Variants in RORB observed in about 807,000 individuals in gnomAD.
RORB encodes the protein RAR related orphan receptor B, also known as nuclear receptor ROR-beta.
A neutral mutation model predicts 59.1 loss-of-function variants in RORB; 6 were observed. The observed-to-expected ratio is 0.10, with a 90% CI of 0.06 to 0.20. The LOEUF (loss-of-function observed/expected upper bound fraction) is 0.20, where lower values mean the gene tolerates loss of function less well. Ranked by LOEUF, RORB falls within the 10% of genes least tolerant of loss-of-function variation. The pLI is 1.00. For missense variants in RORB, 320 were observed against 560.5 expected, an observed-to-expected ratio of 0.57 and a Z score of 4.33; for synonymous variants, 215 against 204.5, an observed-to-expected ratio of 1.05 and a Z score of -0.44.
intron 1 of RORB, among the ~76,000 whole-genome samples, chr9:74,626,026 G>A (rs766516489): frequency 2.2e-4 from 33 of 152,218 alleles, no homozygotes; most frequent in Non-Finnish European, 3.7e-4. Context: ...AACACCTGCT[G>A]TTACTAGCGG....
intron 1 of RORB, among the ~76,000 whole-genome samples, chr9:74,563,449 C>T (rs1427380898): frequency 1.3e-5 from 2 of 152,218 alleles, no homozygotes; most frequent in East Asian, 3.9e-4. Context: ...CTCCCAAAGT[C>T]CTAGGATTAC....
intron 1 of RORB, among the ~76,000 whole-genome samples, chr9:74,612,090 T>G (rs1823239278): frequency 6.6e-6 from 1 of 151,694 alleles, no homozygotes; most frequent in Non-Finnish European, 1.5e-5. Flanking sequence ...ACCAAATGAG[T>G]GGTGGGGACA....
At chr9:74,622,084 A>G (rs1823429906) in intron 1 of RORB, among the ~76,000 whole-genome samples, 1 of 152,034 alleles carries the variant, frequency 6.6e-6, no homozygotes, top group South Asian at 2.1e-4. Context: ...CTCTTTTTGA[A>G]TTATTCTCCA....
At chr9:74,620,220 G>T (rs1034925899) in intron 1 of RORB, among the ~76,000 whole-genome samples, 9 of 152,078 alleles carry the variant, frequency 5.9e-5, no homozygotes, top group Non-Finnish European at 1.2e-4. Flanking sequence ...CAATTTCAGA[G>T]CCTGTTATTG....
intron 1 of RORB, among the ~76,000 whole-genome samples, chr9:74,597,039 C>T (rs1203028662): frequency 6.6e-6 from 1 of 152,192 alleles, no homozygotes; most frequent in African/African-American, 2.4e-5. Context: ...AGACCTACAG[C>T]AGTAGTTCTC....
At chr9:74,606,099 C>G (rs1233142126) in intron 1 of RORB, among the ~76,000 whole-genome samples, 3 of 152,178 alleles carry the variant, frequency 2.0e-5, no homozygotes, top group African/African-American at 7.2e-5. Context: ...ACACCTACCA[C>G]CCAGAGTTGT....
At chr9:74,603,674 C>G (rs10869426) in intron 1 of RORB, among the ~76,000 whole-genome samples, 70,045 of 151,978 alleles carry the variant, frequency 0.46, 16,562 homozygotes, top group East Asian at 0.77. Context: ...TTACTTAGTC[C>G]ATTACTAGGA....
intron 1 of RORB, among the ~76,000 whole-genome samples, chr9:74,602,518 T>C (rs1205732056): frequency 1.3e-5 from 2 of 152,212 alleles, no homozygotes; most frequent in Non-Finnish European, 2.9e-5. Context: ...GAAGCCCTAA[T>C]GATAACAGGA....
At chr9:74,640,300 G>A (rs1323424622) in intron 3 of RORB, among the ~76,000 whole-genome samples, 1 of 152,074 alleles carries the variant, frequency 6.6e-6, no homozygotes, top group African/African-American at 2.4e-5. Context: ...GAGTACAGTG[G>A]CTCAGTCTCG....
intron 7 of RORB, 71 bp from the exon 8 acceptor site, chr9:74,667,720 T>C (rs1043598160): frequency 2.1e-5 from 19 of 907,908 alleles, no homozygotes; most frequent in Admixed American, 1.4e-4. Flanking sequence ...TTATTGATTA[T>C]GAGATTTTTC....
rs1422600728 is a variant in RORB, at chr9:74,616,292, T to A, written c.8-13990T>A. ...TTTCCTTGCTAGTACTAGATAGCAA[T>A]GCACAACAGTTGGAAATATTAAAAT... On this transcript the variant is annotated intron_variant, in intron 1 of 9. Transcript: ENST00000376896. 2.6e-5 allele frequency among the ~76,000 whole-genome samples: 4 copies of A among 152,168 alleles called. No homozygotes were observed. In the East Asian group the frequency reaches 7.7e-4, roughly 29 times the overall value.
rs1388375004 is a variant in RORB at position 74,634,639 on chromosome 9, T to C, written c.102T>C (p.Phe34=). 2.5e-6 allele frequency: 4 copies of C among 1,609,200 alleles called. No individual in the cohort carries two copies. The highest frequency in any genetic ancestry group is 1.3e-5 in the African/African-American group (1 of 74,706). The change falls in exon 3 of 10, where the codon TTT becomes TTC. Residue 34 remains phenylalanine, a synonymous_variant. Coordinates refer to ENST00000376896, the MANE Select transcript of RORB (RefSeq NM_006914.4). Reference sequence around the variant, plus strand: ...TCTCTTTTTCCCTCAAGGGATTCTTTAGGAGGAGCCAGCAGAACAATGCTT... The same window carrying C: ...TCTCTTTTTCCCTCAAGGGATTCTTCAGGAGGAGCCAGCAGAACAATGCTT... ...VITCEGCKGF[F]RRSQQNNASY... is the part of the protein sequence containing the mutation.
chr9:74,512,012 AT>A (rs1157080067), intron 1 of RORB, among the ~76,000 whole-genome samples: 1 of 152,040 alleles, frequency 6.6e-6, no homozygotes, highest in African/African-American at 2.4e-5. Flanking sequence ...AGAAAAATGA[AT>A]TTAAAAAAAC....
At chr9:74,592,349 C>T (rs753837986) in intron 1 of RORB, among the ~76,000 whole-genome samples, 4 of 152,176 alleles carry the variant, frequency 2.6e-5, no homozygotes, top group Admixed American at 6.5e-5. Context: ...TTTTTACATA[C>T]ATTAAGTGGG....
chr9:74,583,702 G>A (rs1157858461), intron 1 of RORB, among the ~76,000 whole-genome samples: 2 of 152,132 alleles, frequency 1.3e-5, no homozygotes, highest in Non-Finnish European at 2.9e-5. Context: ...TAGAACTCAG[G>A]CTGTAGTGAG....
intron 1 of RORB, among the ~76,000 whole-genome samples, chr9:74,575,504 C>A (rs1376604950): frequency 3.3e-5 from 5 of 152,062 alleles, no homozygotes; most frequent in African/African-American, 1.2e-4. Context: ...TATTCACCTG[C>A]CTGACAGGAA....
chr9:74,659,376 C>A (rs2118507496), intron 4 of RORB, among the ~76,000 whole-genome samples: 1 of 152,296 alleles, frequency 6.6e-6, no homozygotes, highest in South Asian at 2.1e-4. Flanking sequence ...AATGGCGCAA[C>A]CTGAAATACA....
Position 74,689,953 on chromosome 9 carries a change from T to TC in RORB, c.*4336dup, listed in dbSNP as rs1383738880. The TC allele has an allele frequency of 5.6e-5, 8 of 141,824 alleles. No homozygotes were observed. The highest frequency in any genetic ancestry group is 9.5e-5 in the African/African-American group (3 of 31,682). The allele number at this position is 141,824 out of a possible 1,614,324, so 8.8% of individuals were successfully genotyped here. On this transcript the variant is annotated 3_prime_UTR_variant, in exon 10 of 10. Transcript: ENST00000376896. ...TTAGAAGAAATAATTTCTTCCTGAC[T>TC]CTTTTTTTTTCTATAAACTTTTATT... is the stretch of plus-strand genomic sequence containing the variant.
intron 1 of RORB, among the ~76,000 whole-genome samples, chr9:74,592,782 T>C (rs901806945): frequency 1.3e-5 from 2 of 152,152 alleles, no homozygotes; most frequent in Non-Finnish European, 2.9e-5. Flanking sequence ...TGGCACATTG[T>C]CAAAACAAGC....
Sources: gnomAD v4.1 joint callset for allele counts (sites outside exome capture counted in the v4.1 genomes callset) on GRCh38, gnomAD v4.1.1 for gene constraint, MANE v1.5 for transcripts, NCBI Gene and HGNC (gene_info 2026-07-23, HGNC 2026-07-21) for gene names.